Variants in NRXN3 observed in about 807,000 individuals in gnomAD.
The protein encoded by NRXN3 is neurexin 3, also known as neurexin III.
In NRXN3, 32 loss-of-function variants were observed where a neutral mutation model predicts 137.6. That is an observed-to-expected ratio of 0.23 (90% CI 0.18 to 0.31). The LOEUF (loss-of-function observed/expected upper bound fraction) is 0.31. Ranked by LOEUF, NRXN3 falls within the 10% of genes least tolerant of loss-of-function variation. The pLI is 1.00. For missense variants in NRXN3, 1,574 were observed against 2,062.5 expected, an observed-to-expected ratio of 0.76 and a Z score of 4.59; for synonymous variants, 798 against 784.5, an observed-to-expected ratio of 1.02 and a Z score of -0.29.
chr14:79,197,099 G>A (rs909171458), intron 15 of NRXN3, among the ~76,000 whole-genome samples: 4 of 152,064 alleles, frequency 2.6e-5, no homozygotes, highest in African/African-American at 9.7e-5. Context: ...ATTCTTTTCT[G>A]TTTCTACAGG....
intron 10 of NRXN3, among the ~76,000 whole-genome samples, chr14:78,900,482 G>A (rs1479361713): frequency 6.7e-6 from 1 of 149,240 alleles, no homozygotes; most frequent in Non-Finnish European, 1.5e-5. Context: ...TACGTTTGGT[G>A]CCAAGTTGGG....
chr14:78,594,093 A>G (rs1263567096), intron 4 of NRXN3, among the ~76,000 whole-genome samples: 1 of 152,172 alleles, frequency 6.6e-6, no homozygotes, highest in African/African-American at 2.4e-5. Flanking sequence ...GGCCAGAGAG[A>G]GTGACATGAG....
At chr14:78,176,499 G>A (rs1021625263) in intron 1 of NRXN3, among the ~76,000 whole-genome samples, 28 of 151,466 alleles carry the variant, frequency 1.8e-4, no homozygotes, top group Admixed American at 1.2e-3. Flanking sequence ...ATGACAGATC[G>A]AGGATTTGAA....
At chr14:78,382,100 C>T (rs1300403272) in intron 4 of NRXN3, among the ~76,000 whole-genome samples, 2 of 152,146 alleles carry the variant, frequency 1.3e-5, no homozygotes, top group African/African-American at 4.8e-5. Flanking sequence ...TCCTTTGGAA[C>T]TCTCTGTATT....
At chr14:79,838,265 C>T (rs1360573407) in intron 20 of NRXN3, among the ~76,000 whole-genome samples, 1 of 152,086 alleles carries the variant, frequency 6.6e-6, no homozygotes, top group Non-Finnish European at 1.5e-5. Context: ...TTGAAATAAG[C>T]GTTACTATAG....
intron 15 of NRXN3, among the ~76,000 whole-genome samples, chr14:78,997,741 C>T (rs1270970843): frequency 2.0e-5 from 3 of 152,222 alleles, no homozygotes; most frequent in Non-Finnish European, 4.4e-5. Flanking sequence ...AAGTAACCAA[C>T]ACCAGTTAAG....
At chr14:79,727,052 G>T (rs1202838417) in intron 19 of NRXN3, among the ~76,000 whole-genome samples, 1 of 152,040 alleles carries the variant, frequency 6.6e-6, no homozygotes, top group Non-Finnish European at 1.5e-5. Context: ...AAATGTTGCT[G>T]GTATTATTTT....
intron 15 of NRXN3, among the ~76,000 whole-genome samples, chr14:79,365,142 C>T (rs181133178): frequency 1.3e-5 from 2 of 152,016 alleles, no homozygotes; most frequent in East Asian, 3.9e-4. Context: ...TTTGTGGGTT[C>T]CTTCATGTGA....
chr14:79,763,472 A>C (rs1313952091), intron 19 of NRXN3, among the ~76,000 whole-genome samples: 4 of 89,946 alleles, frequency 4.4e-5, no homozygotes, highest in Non-Finnish European at 9.8e-5. Context: ...GGTTGCATAA[A>C]ACTGACTAAT....
intron 4 of NRXN3, among the ~76,000 whole-genome samples, chr14:78,311,082 T>C (rs1472709568): frequency 2.0e-5 from 3 of 152,188 alleles, no homozygotes; most frequent in African/African-American, 7.2e-5. Context: ...GCCTACTTGG[T>C]ACATTTGTTC....
intron 4 of NRXN3, among the ~76,000 whole-genome samples, chr14:78,469,486 AG>A (rs1193825812): frequency 6.6e-6 from 1 of 152,210 alleles, no homozygotes; most frequent in Non-Finnish European, 1.5e-5. Flanking sequence ...GCCATGGCAA[AG>A]GGGCACTATG....
chr14:79,663,085 T>C (rs1341559702), intron 16 of NRXN3, among the ~76,000 whole-genome samples: 4 of 152,094 alleles, frequency 2.6e-5, no homozygotes, highest in African/African-American at 9.7e-5. Flanking sequence ...CTTGAATATA[T>C]CTCTCTTTGG....
At chr14:78,430,485 A>G (rs931643514) in intron 4 of NRXN3, among the ~76,000 whole-genome samples, 1 of 152,216 alleles carries the variant, frequency 6.6e-6, no homozygotes, top group South Asian at 2.1e-4. Context: ...ATAAAAGCAG[A>G]CTTGCAGGGA....
intron 15 of NRXN3, among the ~76,000 whole-genome samples, chr14:79,240,719 T>C (rs1168437899): frequency 6.6e-6 from 1 of 152,102 alleles, no homozygotes; most frequent in Non-Finnish European, 1.5e-5. Context: ...CTTTTTTTCA[T>C]GCTTGACATA....
intron 19 of NRXN3, among the ~76,000 whole-genome samples, chr14:79,760,051 A>G (rs2099033025): frequency 6.6e-6 from 1 of 151,676 alleles, no homozygotes; most frequent in African/African-American, 2.4e-5. Context: ...CTCTGCCTAC[A>G]GCTTTCAAAT....
intron 20 of NRXN3, among the ~76,000 whole-genome samples, chr14:79,821,325 C>G (rs2099271705): frequency 6.6e-6 from 1 of 152,172 alleles, no homozygotes; most frequent in Non-Finnish European, 1.5e-5. Context: ...GGAAAACACT[C>G]TGTCCCCAGG....
intron 20 of NRXN3, among the ~76,000 whole-genome samples, chr14:79,858,981 A>C (rs2099408669): frequency 8.7e-6 from 1 of 114,510 alleles, no homozygotes; most frequent in South Asian, 2.8e-4. Context: ...ACAATGTAAA[A>C]AAAAGAAAAA....
chr14:79,467,122 CCT>C (rs2153613352), intron 15 of NRXN3, 97 bp from the exon 16 acceptor site: 1 of 1,183,890 alleles, frequency 8.4e-7, no homozygotes, highest in South Asian at 1.9e-5. Context: ...GGGGACATTT[CCT>C]CTCTGCAGCT....
chr14:78,685,902 G>A (rs182670284), intron 6 of NRXN3, among the ~76,000 whole-genome samples: 1 of 151,388 alleles, frequency 6.6e-6, no homozygotes, highest in African/African-American at 2.4e-5. Context: ...ACCCACCTCG[G>A]CCTCCCAAAG....
Sources: allele counts gnomAD v4.1 joint callset (sites outside exome capture counted in the v4.1 genomes callset), GRCh38; gene constraint gnomAD v4.1.1; transcripts MANE v1.5; gene names NCBI Gene and HGNC (gene_info 2026-07-23, HGNC 2026-07-21).